HM13: variants seen among roughly 807,000 people sequenced by gnomAD.
The protein encoded by HM13 is histocompatibility minor 13, also known as signal peptide peptidase.
In HM13, 18 loss-of-function variants were observed where a neutral mutation model predicts 50.0. The observed-to-expected ratio is 0.36, with a 90% confidence interval of 0.25 to 0.53. The LOEUF (loss-of-function observed/expected upper bound fraction) is 0.53, where lower values mean the gene tolerates loss of function less well. Ranked by LOEUF, HM13 falls within the 20% of genes least tolerant of loss-of-function variation. The pLI is 0.90. For missense variants in HM13, 393 were observed against 552.4 expected (o/e 0.71, Z 2.89); for synonymous variants, 197 against 232.6 (o/e 0.85, Z 1.39).
chr20:31,525,359 T>G (rs998003445), intron 1 of HM13, among the ~76,000 whole-genome samples: 1 of 152,162 alleles, frequency 6.6e-6, no homozygotes, highest in Non-Finnish European at 1.5e-5. Flanking sequence ...CCAGACACCC[T>G]CTCTCTTAGC....
At chr20:31,546,748 C>A (rs1485880577) in intron 4 of HM13, among the ~76,000 whole-genome samples, 1 of 135,632 alleles carries the variant, frequency 7.4e-6, no homozygotes, top group Non-Finnish European at 1.5e-5. Context: ...GAGTGAGACC[C>A]TGTCTCAAAA....
chr20:31,550,131 C>T lies in HM13; in HGVS notation c.724+10C>T, dbSNP rs1173392805. Reference sequence around the variant, plus strand: ...GAGGCACCAATAAAATGTAAGTGACCACCCTGCCACAGGGAACCCCTTCCC... The same window carrying T: ...GAGGCACCAATAAAATGTAAGTGACTACCCTGCCACAGGGAACCCCTTCCC... On this transcript the variant is annotated intron_variant, in intron 7 of 12. Transcript: ENST00000398174. The T allele has an allele frequency of 3.1e-6, 5 of 1,611,762 alleles. No homozygotes were observed. The highest frequency in any genetic ancestry group is 2.2e-5 in the East Asian group (1 of 44,858).
chr20:31,533,906 G>T (rs1982963670), intron 2 of HM13, among the ~76,000 whole-genome samples: 1 of 152,200 alleles, frequency 6.6e-6, no homozygotes, highest in South Asian at 2.1e-4. Context: ...TACAGGCAGG[G>T]TCTTACTCTT....
intron 4 of HM13, 141 bp from the exon 5 acceptor site, chr20:31,548,888 T>C (rs952693116): frequency 4.0e-5 from 30 of 755,202 alleles, no homozygotes; most frequent in South Asian, 1.0e-4. Flanking sequence ...CTCATACTAA[T>C]CTGGGGCAGC....
intron 7 of HM13, among the ~76,000 whole-genome samples, chr20:31,550,659 T>G (rs140037164): frequency 6.6e-6 from 1 of 152,284 alleles, no homozygotes; most frequent in Admixed American, 6.5e-5. Context: ...AGTGGAAAAT[T>G]CCACACATAA....
At position 31,549,188 on chromosome 20, in the gene HM13, C is replaced by CA; in HGVS notation, c.541-18dup. On this transcript the variant is annotated intron_variant, in intron 5 of 12. Coordinates refer to ENST00000398174, the MANE Select transcript of HM13 (RefSeq NM_178581.3). ...AGGGTGGGTCACAGCAAGCTGGTCT[C>CA]ACTCCCCGCTTTCCTCAGCACTGGA... 6.2e-7 allele frequency: 1 copy of CA among 1,614,180 alleles called. No individual in the cohort carries two copies. The highest frequency in any genetic ancestry group is 8.5e-7 in the Non-Finnish European group (1 of 1,180,024).
At chr20:31,536,214 T>G (rs769978757) in intron 2 of HM13, among the ~76,000 whole-genome samples, 3 of 152,104 alleles carry the variant, frequency 2.0e-5, no homozygotes, top group Non-Finnish European at 4.4e-5. Flanking sequence ...AAATACAAAA[T>G]TAGCCGGGCA....
chr20:31,544,833 C>T (rs1983621235), intron 3 of HM13, 114 bp from the exon 4 acceptor site: 4 of 799,348 alleles, frequency 5.0e-6, no homozygotes, highest in South Asian at 2.8e-5. Flanking sequence ...GGAACAGTAA[C>T]ACCTACCTAT....
At chr20:31,533,993 C>T (rs531126798) in intron 2 of HM13, among the ~76,000 whole-genome samples, 2 of 152,308 alleles carry the variant, frequency 1.3e-5, no homozygotes, top group African/African-American at 4.8e-5. Context: ...AATCTTCCCA[C>T]CTCAGCCCCC....
intron 1 of HM13, among the ~76,000 whole-genome samples, chr20:31,518,387 G>A (rs985273769): frequency 6.8e-5 from 10 of 147,428 alleles, no homozygotes; most frequent in Admixed American, 4.0e-4. Flanking sequence ...GCTCATGCCT[G>A]TAATCCCAGC....
At chr20:31,527,045 A>G (rs1982529752) in intron 1 of HM13, among the ~76,000 whole-genome samples, 2 of 152,132 alleles carry the variant, frequency 1.3e-5, no homozygotes, top group Non-Finnish European at 2.9e-5. Flanking sequence ...TCCTCATGGT[A>G]GAATGGCAGG....
intron 7 of HM13, 55 bp downstream of exon 7, chr20:31,550,176 C>T: frequency 2.3e-6 from 3 of 1,290,814 alleles, no homozygotes; most frequent in Non-Finnish European, 3.4e-6. Context: ...CCGGGCCATG[C>T]CCCCACAGCC....
At chr20:31,566,835 A>G (rs1600674534) in intron 11 of HM13, among the ~76,000 whole-genome samples, 1 of 151,372 alleles carries the variant, frequency 6.6e-6, no homozygotes, top group Non-Finnish European at 1.5e-5. Flanking sequence ...GGCCATATCC[A>G]CACCTACCAC....
intron 3 of HM13, chr20:31,540,397 C>T (rs1480431717): frequency 6.6e-6 from 1 of 152,226 alleles, no homozygotes; most frequent in Non-Finnish European, 1.5e-5. Flanking sequence ...TCCTCCCCAA[C>T]TGTAGCCCAT....
At chr20:31,569,077 C>T (rs919963236) in intron 12 of HM13, 43 bp from the exon 13 acceptor site, 19 of 1,383,630 alleles carry the variant, frequency 1.4e-5, no homozygotes, top group Non-Finnish European at 1.8e-5. Flanking sequence ...CTCACCCTCT[C>T]CTCTAAATGA....
At position 31,568,122 on chromosome 20, in the gene HM13, C is replaced by T. The variant is rs1262544157; in HGVS notation, c.1079C>T (p.Thr360Ile). Residue 360 changes from threonine (T) to isoleucine (I), a missense_variant, in exon 12 of 13, where the codon ACC (threonine) becomes ATC (isoleucine). By Grantham distance (89) the Thr-to-Ile change is moderately conservative. Around this residue, in one of 3 missense-constraint regions of HM13, gnomAD observed 105 missense variants for 115.9 expected, o/e 0.91. Transcript: ENST00000398174. ...ATCCTGCCTCATACCCCGAGGCTCA[C>T]CCACTTCCCCACAGTCTCGGGCTCC... Reference protein sequence around the residue: ...AEILPHTPRLTHFPTVSGSPA... With the variant: ...AEILPHTPRLIHFPTVSGSPA... 1 of 1,613,266 alleles carries T rather than the reference C, an allele frequency of 6.2e-7. No homozygotes were observed. Among genetic ancestry groups the T allele is most frequent in the Non-Finnish European group, 8.5e-7 (1 of 1,179,862 alleles).
In HM13 at chr20:31,544,962, G is replaced by A; in HGVS notation, c.381G>A (p.Lys127=). ...LSHTISPFMN[K]FFPASFPNRQ... is the part of the protein sequence containing the mutation. Reference sequence around the variant, plus strand: ...TTCCTTCCAGCCCCTTCATGAATAAGTTTTTTCCAGCCAGCTTTCCAAATC... The same window carrying A: ...TTCCTTCCAGCCCCTTCATGAATAAATTTTTTCCAGCCAGCTTTCCAAATC... Residue 127 remains lysine, a synonymous_variant, in exon 4 of 13, where the codon AAG becomes AAA. Transcript: ENST00000398174. 6.2e-7 allele frequency: 1 copy of A among 1,614,144 alleles called. No homozygotes were observed. Among genetic ancestry groups the A allele is most frequent in the Non-Finnish European group, 8.5e-7 (1 of 1,179,980 alleles).
chr20:31,531,627 T>A (rs2122571233), intron 2 of HM13, among the ~76,000 whole-genome samples: 1 of 152,088 alleles, frequency 6.6e-6, no homozygotes, highest in East Asian at 1.9e-4. Flanking sequence ...TGAGACGGAG[T>A]CTGTCACCCA....
At chr20:31,559,920 G>A (rs1984516845) in intron 9 of HM13, among the ~76,000 whole-genome samples, 1 of 152,230 alleles carries the variant, frequency 6.6e-6, no homozygotes, top group African/African-American at 2.4e-5. Context: ...ACCTTGACAA[G>A]TGGCCTGACC....
Sources: allele counts gnomAD v4.1 joint callset (sites outside exome capture counted in the v4.1 genomes callset), GRCh38; gene constraint gnomAD v4.1.1; regional missense constraint gnomAD v4.1.1; transcripts MANE v1.5; gene names NCBI Gene and HGNC (gene_info 2026-07-23, HGNC 2026-07-21).